AMY2B: variants seen among roughly 807,000 people sequenced by gnomAD.
The protein encoded by AMY2B is amylase alpha 2B.
AMY2B carries 63 observed loss-of-function variants against 59.3 expected under a neutral mutation model. The ratio of observed to expected loss-of-function variants is 1.06; its 90% CI spans 0.87 to 1.31. The LOEUF (loss-of-function observed/expected upper bound fraction) is 1.31, where lower values mean the gene tolerates loss of function less well. Among genes scored for constraint, AMY2B ranks in the 50% most tolerant of loss-of-function variants. The pLI, the probability that AMY2B is intolerant of heterozygous loss-of-function variation, is 0.00. For synonymous variants in AMY2B, 180 were observed against 198.1 expected (o/e 0.91, Z 0.77); for missense variants, 635 against 626.7 (o/e 1.01, Z -0.14).
chr1:103,570,475 C>A (rs1259862124), upstream of AMY2B: 6 of 687,612 alleles, frequency 8.7e-6, no homozygotes, highest in Admixed American at 1.8e-5. Context: ...CCAGGCATCA[C>A]CGACAGGATG....
rs1478745706 is a variant in AMY2B, at chr1:103,575,255, C to T, written c.911C>T (p.Ser304Phe). The T allele has an allele frequency of 1.9e-6, 3 of 1,613,596 alleles. No individual in the cohort carries two copies. The highest frequency in any genetic ancestry group is 3.3e-5 in the Admixed American group (2 of 59,986). Residue 304 changes from serine to phenylalanine, a missense_variant, in exon 6 of 10, where the codon TCT becomes TTT. Physicochemically the swap from Ser to Phe is radical, Grantham distance 155. Coordinates refer to ENST00000684275, the MANE Select transcript of AMY2B (RefSeq NM_001387437.1). Reference sequence around the variant, plus strand: ...GGAGAAGGTTGGGGTTTCATGCCTTCTGACAGAGCACTTGTCTTTGTGGAT... The same window carrying T: ...GGAGAAGGTTGGGGTTTCATGCCTTTTGACAGAGCACTTGTCTTTGTGGAT... ...NWGEGWGFMP[S>F]DRALVFVDNH...
At chr1:103,567,640 A>T (rs555397218), upstream of AMY2B, among the ~76,000 whole-genome samples, 8 of 152,156 alleles carry the variant, frequency 5.3e-5, 1 homozygote, top group South Asian at 1.5e-3. Flanking sequence ...ATCCTCCTAT[A>T]ATCTGGTTTC....
At chr1:103,559,771 G>C (rs1196420748) in intron 1 of AMY2B, among the ~76,000 whole-genome samples, 2 of 152,078 alleles carry the variant, frequency 1.3e-5, no homozygotes, top group Non-Finnish European at 2.9e-5. Context: ...TAATCTATTA[G>C]GCAAAAATCA....
rs1339172541 is a variant in AMY2B at position 103,577,748 on chromosome 1, G to A, written c.1249G>A (p.Asp417Asn). 1 of 1,610,618 alleles carries A rather than the reference G, an allele frequency of 6.2e-7. No homozygotes were observed. The highest frequency in any genetic ancestry group is 2.2e-5 in the East Asian group (1 of 44,868). Residue 417 changes from aspartate (D) to asparagine (N), a missense_variant, in exon 9 of 10, where the codon GAT (aspartate) becomes AAT (asparagine). By Grantham distance (23) the Asp-to-Asn change is conservative. Coordinates refer to ENST00000684275, the MANE Select transcript of AMY2B (RefSeq NM_001387437.1). ...RNMVNFRNVV[D>N]GQPFTNWYDN... ...CATGGTTAATTTCCGCAATGTAGTG[G>A]ATGGCCAGCCTTTTACAAACTGGTA...
chr1:103,566,434 T>C (rs1405118533), intron 2 of AMY2B, among the ~76,000 whole-genome samples: 7 of 152,310 alleles, frequency 4.6e-5, no homozygotes, highest in Non-Finnish European at 8.8e-5. Flanking sequence ...ACTAGGGAAA[T>C]TAATATTAAT....
At chr1:103,571,387 A>C (rs2101071745), upstream of AMY2B, 1 of 1,194,288 alleles carries the variant, frequency 8.4e-7, no homozygotes, top group South Asian at 1.6e-5. Flanking sequence ...CCAGAACCAA[A>C]AAAACATTAA....
intron 9 of AMY2B, among the ~76,000 whole-genome samples, chr1:103,578,104 A>T (rs1007824655): frequency 2.0e-5 from 3 of 152,206 alleles, no homozygotes; most frequent in South Asian, 2.1e-4. Context: ...TATTGAATGC[A>T]CATACATATG....
Position 103,571,616 on chromosome 1 carries a change from T to G in AMY2B, c.14T>G (p.Leu5Arg), listed in dbSNP as rs757208411. 12 of 1,611,224 alleles carry G rather than the reference T, an allele frequency of 7.4e-6. No individual in the cohort carries two copies. Among genetic ancestry groups the G allele is most frequent in the African/African-American group, 6.7e-5 (5 of 74,864 alleles). Residue 5 changes from leucine (L) to arginine (R), a missense_variant, in exon 1 of 10, where the codon CTG becomes CGG. Coordinates refer to ENST00000684275, the MANE Select transcript of AMY2B (RefSeq NM_001387437.1). Reference protein sequence around the residue: MKFFLLLFTIGFCWA... With the variant: MKFFRLLFTIGFCWA... ...CTTCAAAGCAAAATGAAGTTCTTTC[T>G]GTTGCTTTTCACCATTGGGTTCTGC...
chr1:103,571,983 T>C, intron 1 of AMY2B, 127 bp from the exon 2 acceptor site: 2 of 1,551,208 alleles, frequency 1.3e-6, no homozygotes, highest in Non-Finnish European at 1.7e-6. Context: ...CAATGTGCTG[T>C]TAATATTTTC....
chr1:103,559,207 A>C (rs954988101), intron 1 of AMY2B, among the ~76,000 whole-genome samples: 1 of 152,216 alleles, frequency 6.6e-6, no homozygotes, highest in African/African-American at 2.4e-5. Context: ...ATGGTGGTCC[A>C]GTTAAGTTTA....
upstream of AMY2B, among the ~76,000 whole-genome samples, chr1:103,566,934 A>G (rs376384108): frequency 5.4e-4 from 83 of 152,304 alleles, no homozygotes; most frequent in African/African-American, 1.9e-3. Flanking sequence ...TGTTATAGCC[A>G]TTTATTGAGC....
intron 5 of AMY2B, among the ~76,000 whole-genome samples, chr1:103,574,735 C>T (rs1426537129): frequency 1.3e-5 from 2 of 151,666 alleles, no homozygotes; most frequent in African/African-American, 2.4e-5. Flanking sequence ...AGTTTCCATA[C>T]TGTAGAATTT....
Position 103,575,243 on chromosome 1 carries a change from G to C in AMY2B, c.899G>C (p.Gly300Ala). Residue 300 changes from glycine (G) to alanine (A), a missense_variant, in exon 6 of 10, where the codon GGT becomes GCT. Coordinates refer to ENST00000684275, the MANE Select transcript of AMY2B (RefSeq NM_001387437.1). ...SYLKNWGEGW[G>A]FMPSDRALVF... is the part of the protein sequence containing the mutation. Reference sequence around the variant, plus strand: ...AATAGGAACTGGGGAGAAGGTTGGGGTTTCATGCCTTCTGACAGAGCACTT... The same window carrying C: ...AATAGGAACTGGGGAGAAGGTTGGGCTTTCATGCCTTCTGACAGAGCACTT... 1 of 1,613,568 alleles carries C rather than the reference G, an allele frequency of 6.2e-7. No homozygotes were observed.
intron 7 of AMY2B, among the ~76,000 whole-genome samples, chr1:103,576,887 T>A (rs1323292115): frequency 6.6e-6 from 1 of 152,234 alleles, no homozygotes; most frequent in Non-Finnish European, 1.5e-5. Context: ...CTGGTGTTTC[T>A]GGTACTAATG....
At chr1:103,569,595 A>G (rs1652039549), upstream of AMY2B, 1 of 390,878 alleles carries the variant, frequency 2.6e-6, no homozygotes, top group Admixed American at 3.1e-5. Flanking sequence ...CAATGGCTCC[A>G]GCATGTGCAA....
chr1:103,570,467 A>T, upstream of AMY2B: 1 of 707,278 alleles, frequency 1.4e-6, no homozygotes, highest in Non-Finnish European at 2.6e-6. Context: ...ACATGTACCC[A>T]GGCATCACCG....
At position 103,577,731 on chromosome 1, in the gene AMY2B, A is replaced by G; in HGVS notation, c.1232A>G (p.Asn411Ser). 1.2e-6 allele frequency: 2 copies of G among 1,611,458 alleles called. No homozygotes were observed. The highest frequency in any genetic ancestry group is 2.2e-5 in the East Asian group (1 of 44,860). The change falls in exon 9 of 10, where the codon AAT becomes AGT. Residue 411 changes from asparagine to serine, a missense_variant. Physicochemically the swap from Asn to Ser is conservative, Grantham distance 46. Coordinates refer to ENST00000684275, the MANE Select transcript of AMY2B (RefSeq NM_001387437.1). ...TATTGTGTTTTTAGGAACATGGTTA[A>G]TTTCCGCAATGTAGTGGATGGCCAG... is the stretch of plus-strand genomic sequence containing the variant. Reference protein sequence around the residue: ...HRWRQIRNMVNFRNVVDGQPF... With the variant: ...HRWRQIRNMVSFRNVVDGQPF...
At chr1:103,554,845 A>C (rs1651494308) in exon 1 of AMY2B, 1 of 152,578 alleles carries the variant, frequency 6.6e-6, no homozygotes, top group South Asian at 2.1e-4. Flanking sequence ...ATTTTTCTGT[A>C]GGCATAGTTA....
intron 5 of AMY2B, among the ~76,000 whole-genome samples, chr1:103,574,698 A>T (rs1652275945): frequency 2.0e-5 from 3 of 152,062 alleles, no homozygotes. Flanking sequence ...TATTAAAATG[A>T]TCCTATCATT....
Sources: gnomAD v4.1 joint callset for allele counts (sites outside exome capture counted in the v4.1 genomes callset) on GRCh38, gnomAD v4.1.1 for gene constraint, MANE v1.5 for transcripts, NCBI Gene and HGNC (gene_info 2026-07-23, HGNC 2026-07-21) for gene names.